INHBC: variants seen among roughly 807,000 people sequenced by gnomAD.
INHBC encodes inhibin beta C chain.
INHBC carries 10 observed loss-of-function variants against 12.4 expected under a neutral mutation model. The observed-to-expected ratio is 0.81, with a 90% CI of 0.50 to 1.37. The LOEUF (loss-of-function observed/expected upper bound fraction) is 1.37. INHBC is among the 40% of genes most tolerant of loss of function. The pLI, the probability that INHBC is intolerant of heterozygous loss-of-function variation, is 0.00. For synonymous variants in INHBC, 147 were observed against 171.6 expected (o/e 0.86, Z 1.12); for missense variants, 382 against 439.4 (o/e 0.87, Z 1.17).
At chr12:57,447,764 A>C (rs932210979) in intron 1 of INHBC, among the ~76,000 whole-genome samples, 1 of 139,386 alleles carries the variant, frequency 7.2e-6, no homozygotes, top group Middle Eastern at 3.5e-3. Context: ...TGGGAGGCTG[A>C]GGCAGGAGAA....
intron 1 of INHBC, among the ~76,000 whole-genome samples, chr12:57,436,115 G>A (rs1382582468): frequency 6.6e-6 from 1 of 151,090 alleles, no homozygotes; most frequent in Non-Finnish European, 1.5e-5. Context: ...AAAGTGCTGG[G>A]ATTACAGGCG....
At chr12:57,435,349 C>A in intron 1 of INHBC, 150 bp downstream of exon 1, 2 of 720,308 alleles carry the variant, frequency 2.8e-6, no homozygotes, top group Non-Finnish European at 4.5e-6. Flanking sequence ...GGTGTCCCGA[C>A]AACCCCCACA....
At chr12:57,446,253 T>C (rs1870576604) in intron 1 of INHBC, among the ~76,000 whole-genome samples, 1 of 151,866 alleles carries the variant, frequency 6.6e-6, no homozygotes, top group Admixed American at 6.6e-5. Context: ...TTTTTTTTAA[T>C]TAAAAAAAGA....
At chr12:57,447,892 A>AATATATATATATATAT (rs1241342566) in intron 1 of INHBC, among the ~76,000 whole-genome samples, 49 of 19,852 alleles carry the variant, frequency 2.5e-3, no homozygotes, top group East Asian at 8.5e-3. Context: ...AAAAAAAAAA[A>AATATATATATATATAT]ATATATATAT....
intron 1 of INHBC, among the ~76,000 whole-genome samples, chr12:57,438,536 ATGG>A (rs1439824659): frequency 1.3e-5 from 2 of 152,226 alleles, no homozygotes; most frequent in African/African-American, 4.8e-5. Context: ...TCTTTAGAGA[ATGG>A]TGGCCAGATT....
chr12:57,440,208 A>G (rs930734852), intron 1 of INHBC, among the ~76,000 whole-genome samples: 5 of 152,170 alleles, frequency 3.3e-5, no homozygotes, highest in African/African-American at 1.2e-4. Context: ...ACATGAAGTA[A>G]AAGGTTTTGT....
intron 1 of INHBC, among the ~76,000 whole-genome samples, chr12:57,439,021 T>C (rs1870404949): frequency 6.6e-6 from 1 of 152,208 alleles, no homozygotes; most frequent in Non-Finnish European, 1.5e-5. Context: ...GATGTCACAT[T>C]AGCAGCTAGA....
chr12:57,443,293 T>C (rs961871139), intron 1 of INHBC, among the ~76,000 whole-genome samples: 7 of 151,328 alleles, frequency 4.6e-5, no homozygotes, highest in African/African-American at 7.3e-5. Context: ...AATTTTTTTT[T>C]CTTTTTTTAA....
At chr12:57,436,396 C>G (rs1870338155) in intron 1 of INHBC, among the ~76,000 whole-genome samples, 1 of 151,478 alleles carries the variant, frequency 6.6e-6, no homozygotes, top group Non-Finnish European at 1.5e-5. Flanking sequence ...AACTCCTGAC[C>G]TCGTGATCCG....
intron 1 of INHBC, among the ~76,000 whole-genome samples, chr12:57,437,535 G>A (rs1030237350): frequency 7.9e-5 from 12 of 151,662 alleles, no homozygotes; most frequent in Non-Finnish European, 1.5e-4. Context: ...GCTGGGCATG[G>A]TGGCAGGCGC....
At chr12:57,442,862 G>A (rs567922879) in intron 1 of INHBC, among the ~76,000 whole-genome samples, 28 of 151,938 alleles carry the variant, frequency 1.8e-4, no homozygotes, top group South Asian at 4.2e-4. Context: ...ATGGTGGCAG[G>A]TGCCTCTAAT....
At chr12:57,444,289 TCCCAGCA>T (rs933976562) in intron 1 of INHBC, among the ~76,000 whole-genome samples, 1 of 150,762 alleles carries the variant, frequency 6.6e-6, no homozygotes, top group African/African-American at 2.4e-5. Context: ...ATGCCTGTAA[TCCCAGCA>T]CTTTGGGAGG....
chr12:57,439,434 C>G (rs184433807), intron 1 of INHBC, among the ~76,000 whole-genome samples: 2 of 152,254 alleles, frequency 1.3e-5, no homozygotes, highest in East Asian at 1.9e-4. Context: ...CCCTCTCAGC[C>G]CTTGGCCTCT....
At chr12:57,435,229 G>C in intron 1 of INHBC, 30 bp downstream of exon 1, 1 of 1,576,024 alleles carries the variant, frequency 6.3e-7, no homozygotes, top group South Asian at 1.1e-5. Context: ...CTCTTCCCCA[G>C]AACTTGACCC....
At chr12:57,449,126 C>A in intron 1 of INHBC, 151 bp from the exon 2 acceptor site, 1 of 1,042,350 alleles carries the variant, frequency 9.6e-7, no homozygotes, top group Non-Finnish European at 1.4e-6. Context: ...CATTGGAGGT[C>A]CAATTTCCAG....
At position 57,450,028 on chromosome 12, in the gene INHBC, G is replaced by A. The variant is rs767206015; in HGVS notation, c.*6G>A. 4 of 1,507,852 alleles carry A rather than the reference G, an allele frequency of 2.7e-6. No individual in the cohort carries two copies. The highest frequency in any genetic ancestry group is 3.5e-6 in the Non-Finnish European group (4 of 1,131,040). The allele number at this position is 1,507,852 out of a possible 1,614,324, so 93.4% of individuals were successfully genotyped here. ...AGGCCTGTGGGTGCAGTTAGTCTAT[G>A]TGTGGTATGGGCAGCCCAAGGTTGC... On this transcript the variant is annotated 3_prime_UTR_variant, in exon 2 of 2. Transcript: ENST00000309668.
rs751057187 is a variant in INHBC, at chr12:57,434,853, A to G, written c.-34A>G. 6 of 1,572,126 alleles carry G rather than the reference A, an allele frequency of 3.8e-6. No homozygotes were observed. Among genetic ancestry groups the G allele is most frequent in the Non-Finnish European group, 5.2e-6 (6 of 1,154,280 alleles). On this transcript the variant is annotated 5_prime_UTR_variant, in exon 1 of 2. Transcript: ENST00000309668. Reference sequence around the variant, plus strand: ...ACAGCTGTTGAGACCCTGAGCCCTGAGTCTGTATTGCTCAAGAAGGGCCTT... The same window carrying G: ...ACAGCTGTTGAGACCCTGAGCCCTGGGTCTGTATTGCTCAAGAAGGGCCTT...
intron 1 of INHBC, among the ~76,000 whole-genome samples, chr12:57,446,166 C>T (rs947883165): frequency 6.6e-6 from 1 of 151,936 alleles, no homozygotes; most frequent in Non-Finnish European, 1.5e-5. Context: ...GAACTCCTGA[C>T]CTCAACTGAT....
chr12:57,438,637 G>T (rs1870398316), intron 1 of INHBC, among the ~76,000 whole-genome samples: 1 of 152,158 alleles, frequency 6.6e-6, no homozygotes, highest in Non-Finnish European at 1.5e-5. Flanking sequence ...GCAAGTCATT[G>T]TAGCCAAGCC....
Sources: allele counts gnomAD v4.1 joint callset (sites outside exome capture counted in the v4.1 genomes callset), GRCh38; gene constraint gnomAD v4.1.1; transcripts MANE v1.5; gene names NCBI Gene and HGNC (gene_info 2026-07-23, HGNC 2026-07-21).